The following DUSP19 variants were observed in gnomAD, a reference collection of about 807,000 sequenced individuals.
DUSP19 encodes dual specificity phosphatase 19.
DUSP19 carries 14 observed loss-of-function variants against 16.6 expected under a neutral mutation model. That is an observed-to-expected ratio of 0.84 (90% confidence interval 0.56 to 1.32). The LOEUF is 1.32. Among genes scored for constraint, DUSP19 ranks in the 40% most tolerant of loss-of-function variants. DUSP19 has a pLI of 0.00. For missense variants in DUSP19, 258 were observed against 255.9 expected, an observed-to-expected ratio of 1.01 and a Z score of -0.06; for synonymous variants, 81 against 90.5, an observed-to-expected ratio of 0.90 and a Z score of 0.59.
chr2:183,086,604 C>T (rs1186435915), intron 2 of DUSP19, among the ~76,000 whole-genome samples: 3 of 143,524 alleles, frequency 2.1e-5, no homozygotes, highest in Non-Finnish European at 4.5e-5. Context: ...GCCAGGAGTT[C>T]GAGACCAGCC....
chr2:183,093,101 G>C (rs1699753767), intron 3 of DUSP19, among the ~76,000 whole-genome samples: 1 of 152,116 alleles, frequency 6.6e-6, no homozygotes, highest in African/African-American at 2.4e-5. Context: ...GAAGATGTGA[G>C]GGATACACAT....
intron 3 of DUSP19, among the ~76,000 whole-genome samples, chr2:183,090,582 A>C (rs1699719441): frequency 1.3e-5 from 2 of 152,250 alleles, no homozygotes; most frequent in Non-Finnish European, 2.9e-5. Context: ...ATGCAGATGA[A>C]AATTAAGACA....
Position 183,090,189 on chromosome 2 carries a change from TACTC to T in DUSP19, c.426+2999_426+3002del, listed in dbSNP as rs1412601941. 7.9e-5 allele frequency among the ~76,000 whole-genome samples: 12 copies of T among 152,374 alleles called. No individual in the cohort carries two copies. The East Asian group carries it at 1.3e-3, about 17-fold the overall frequency. On this transcript the variant is annotated intron_variant, in intron 3 of 3. Coordinates refer to ENST00000354221, the MANE Select transcript of DUSP19 (RefSeq NM_080876.4). ...ATATTCAAGTATTGTTAAATCTAAT[TACTC>T]AGTGAATTACATGTTTCAAAACTAC...
chr2:183,081,729 G>A (rs1699594569), intron 1 of DUSP19, among the ~76,000 whole-genome samples: 1 of 152,064 alleles, frequency 6.6e-6, no homozygotes, highest in Non-Finnish European at 1.5e-5. Context: ...TATTTTGATA[G>A]GCTAACTTTT....
chr2:183,081,887 TAA>T (rs199715327), intron 1 of DUSP19, among the ~76,000 whole-genome samples: 3 of 144,566 alleles, frequency 2.1e-5, no homozygotes, highest in African/African-American at 2.5e-5. Context: ...ATGGGTAACT[TAA>T]AAAAAAAAAA....
Position 183,095,974 on chromosome 2 carries a change from G to A in DUSP19, c.*316G>A, listed in dbSNP as rs544108446. ...AAAATGTGTATTTAGAGCATGGAGA[G>A]AATCATTTAATGAAGCCTATTTTTC... On this transcript the variant is annotated 3_prime_UTR_variant, in exon 4 of 4. Coordinates refer to ENST00000354221, the MANE Select transcript of DUSP19 (RefSeq NM_080876.4). 1.5e-4 allele frequency: 26 copies of A among 170,054 alleles called. No individual in the cohort carries two copies. In the South Asian group the frequency reaches 4.8e-3, roughly 31 times the overall value. The allele number at this position is 170,054 out of a possible 1,614,324, so 10.5% of individuals were successfully genotyped here.
At chr2:183,083,078 A>T (rs550849388) in intron 1 of DUSP19, among the ~76,000 whole-genome samples, 19 of 151,598 alleles carry the variant, frequency 1.3e-4, no homozygotes, top group South Asian at 4.2e-4. Flanking sequence ...ATTAAAAAAA[A>T]TTTTTTTTCT....
At chr2:183,088,273 GT>G (rs1420154414) in intron 3 of DUSP19, among the ~76,000 whole-genome samples, 10 of 152,102 alleles carry the variant, frequency 6.6e-5, no homozygotes, top group Middle Eastern at 6.8e-3. Context: ...ACTCTGTGAT[GT>G]TTACACCACG....
intron 2 of DUSP19, among the ~76,000 whole-genome samples, chr2:183,086,718 G>A (rs1372198381): frequency 1.3e-5 from 2 of 151,834 alleles, no homozygotes; most frequent in East Asian, 3.8e-4. Context: ...AGCTACTTGG[G>A]AGGCTGAGGC....
Position 183,087,139 on chromosome 2 carries a change from A to G in DUSP19, c.373A>G (p.Ile125Val). 6.2e-7 allele frequency: 1 copy of G among 1,613,434 alleles called. No individual in the cohort carries two copies. The highest frequency in any genetic ancestry group is 8.5e-7 in the Non-Finnish European group (1 of 1,179,880). Residue 125 changes from isoleucine to valine, a missense_variant, in exon 3 of 4, where the codon ATC (isoleucine) becomes GTC (valine). Ile to Val is a conservative substitution (Grantham distance 29). Transcript: ENST00000354221. ...TATATTGGATCTGCCTGAAACCAACATCCTGTCTTATTTTCCAGAATGTTT... is the reference window on the plus strand; with the variant it reads ...TATATTGGATCTGCCTGAAACCAACGTCCTGTCTTATTTTCCAGAATGTTT... ...ISILDLPETNILSYFPECFEF... is the reference protein window; with the variant it reads ...ISILDLPETNVLSYFPECFEF...
intron 1 of DUSP19, among the ~76,000 whole-genome samples, chr2:183,081,120 T>A (rs1055783786): frequency 3.3e-5 from 5 of 152,182 alleles, no homozygotes; most frequent in Admixed American, 2.0e-4. Flanking sequence ...GTTCGTAAAC[T>A]CTAAAAAGTG....
chr2:183,082,309 GT>G (rs1347237946), intron 1 of DUSP19, among the ~76,000 whole-genome samples: 1 of 151,166 alleles, frequency 6.6e-6, no homozygotes, highest in Non-Finnish European at 1.5e-5. Context: ...TTTGTTCTAT[GT>G]ATACCTCCTT....
At position 183,087,049 on chromosome 2, in the gene DUSP19, A is replaced by G. The variant is rs756091062; in HGVS notation, c.283A>G (p.Ile95Val). 1.9e-6 allele frequency: 3 copies of G among 1,610,322 alleles called. No individual in the cohort carries two copies. The Admixed American group carries it at 5.0e-5, about 27-fold the overall frequency. Residue 95 changes from isoleucine to valine, a missense_variant, in exon 3 of 4, where the codon ATT (isoleucine) becomes GTT (valine). Physicochemically the swap from Ile to Val is conservative, Grantham distance 29. Coordinates refer to ENST00000354221, the MANE Select transcript of DUSP19 (RefSeq NM_080876.4). Reference protein sequence around the residue: ...DTLKKNKVTHILNVAYGVENA... With the variant: ...DTLKKNKVTHVLNVAYGVENA... ...TTTCTTTCTCTTTAAGGTGACTCAT[A>G]TTCTTAATGTTGCATATGGAGTTGA... is the stretch of plus-strand genomic sequence containing the variant.
At chr2:183,079,824 A>G (rs754842328) in intron 1 of DUSP19, among the ~76,000 whole-genome samples, 6 of 152,266 alleles carry the variant, frequency 3.9e-5, no homozygotes, top group Non-Finnish European at 8.8e-5. Context: ...TCTTAAAAAA[A>G]TAGTCAAGAA....
At chr2:183,083,334 A>G in intron 1 of DUSP19, 174 bp from the exon 2 acceptor site, 1 of 500,812 alleles carries the variant, frequency 2.0e-6, no homozygotes, top group Non-Finnish European at 3.5e-6. Context: ...AGGATTTCAG[A>G]GTCCAGGAGT....
intron 3 of DUSP19, among the ~76,000 whole-genome samples, chr2:183,094,363 A>G (rs1006406297): frequency 4.6e-5 from 7 of 152,180 alleles, no homozygotes; most frequent in Non-Finnish European, 5.9e-5. Context: ...TTTCAGTAGT[A>G]TATTTTTTCC....
chr2:183,092,745 C>T (rs1699749064), intron 3 of DUSP19, among the ~76,000 whole-genome samples: 1 of 137,058 alleles, frequency 7.3e-6, no homozygotes, highest in Admixed American at 8.2e-5. Context: ...ACTCTGTCAA[C>T]CAGGCTGGAG....
In DUSP19 at chr2:183,096,610, G is replaced by A. The variant is rs750985938; in HGVS notation, c.*952G>A. On this transcript the variant is annotated 3_prime_UTR_variant, in exon 4 of 4. Transcript: ENST00000354221. ...TTAATGTATAGGTGTTCTGTCATAC[G>A]TTATTGTGAGCTTTGGTTCTTTGAA... 1.3e-5 allele frequency: 2 copies of A among 149,376 alleles called. No individual in the cohort carries two copies. The highest frequency in any genetic ancestry group is 1.9e-4 in the East Asian group (1 of 5,138). The allele number at this position is 149,376 out of a possible 1,614,324, so 9.3% of individuals were successfully genotyped here.
intron 2 of DUSP19, 92 bp from the exon 3 acceptor site, chr2:183,086,948 C>CT: frequency 7.7e-7 from 1 of 1,292,454 alleles, no homozygotes; most frequent in Non-Finnish European, 1.1e-6. Context: ...AATTTTTTAC[C>CT]TTTCTTGTTA....
Sources: allele counts gnomAD v4.1 joint callset (sites outside exome capture counted in the v4.1 genomes callset), GRCh38; gene constraint gnomAD v4.1.1; transcripts MANE v1.5; gene names NCBI Gene and HGNC (gene_info 2026-07-23, HGNC 2026-07-21).